Variants in FAM219A observed in about 807,000 individuals in gnomAD.
FAM219A encodes family with sequence similarity 219 member A, also known as protein FAM219A.
In FAM219A, 7 loss-of-function variants were observed where a neutral mutation model predicts 23.4. The ratio of observed to expected loss-of-function variants is 0.30; its 90% CI spans 0.17 to 0.56. The LOEUF is 0.56. Among genes scored for constraint, FAM219A ranks in the 20% least tolerant of loss-of-function variants. The pLI is 0.92. For missense variants in FAM219A, 166 were observed against 246.9 expected, an observed-to-expected ratio of 0.67 and a Z score of 2.20; for synonymous variants, 93 against 99.0, an observed-to-expected ratio of 0.94 and a Z score of 0.36.
In FAM219A at chr9:34,426,685, CCAG is replaced by C. The variant is rs374475874; in HGVS notation, c.61-20724_61-20722del. The stretch of plus-strand genomic sequence containing the variant: ...GAGGGATGGTGGTGGTGTGGAATTC[CCAG>C]CAGAACCATCTAAATAGGGAAATGG... On this transcript the variant is annotated intron_variant, in intron 1 of 5. Coordinates refer to ENST00000651358, the MANE Select transcript of FAM219A (RefSeq NM_001184940.2). 1.6e-4 allele frequency among the ~76,000 whole-genome samples: 24 copies of C among 152,336 alleles called. No individual in the cohort carries two copies. The East Asian group carries it at 4.6e-3, about 29-fold the overall frequency.
chr9:34,439,903 TTGA>T (rs976841724), intron 1 of FAM219A, among the ~76,000 whole-genome samples: 51 of 152,212 alleles, frequency 3.4e-4, no homozygotes, highest in Admixed American at 5.9e-4. Context: ...CTCCTGCTAC[TTGA>T]TGACACTTTC....
At chr9:34,401,538 G>T in intron 5 of FAM219A, 128 bp downstream of exon 5, 1 of 1,078,518 alleles carries the variant, frequency 9.3e-7, no homozygotes. Context: ...GGCCCACCCT[G>T]TGCAGGGCAC....
In FAM219A at chr9:34,402,454, T is replaced by C; in HGVS notation, c.277A>G (p.Asn93Asp). 6.2e-7 allele frequency: 1 copy of C among 1,614,130 alleles called. No homozygotes were observed. Among genetic ancestry groups the C allele is most frequent in the Non-Finnish European group, 8.5e-7 (1 of 1,180,008 alleles). Residue 93 changes from asparagine to aspartate, a missense_variant, in exon 4 of 6, where the codon AAT becomes GAT. Transcript: ENST00000651358. ...TGGTCAAGTGAGGAGTAGCCTTTATTGGGGACGACCAGCCTAGGTGAAGAA... is the reference window on the plus strand; with the variant it reads ...TGGTCAAGTGAGGAGTAGCCTTTATCGGGGACGACCAGCCTAGGTGAAGAA... ...VMARTRLVVP[N>D]KGYSSLDQSP...
At chr9:34,451,593 T>A (rs1027479527) in intron 1 of FAM219A, among the ~76,000 whole-genome samples, 7 of 152,174 alleles carry the variant, frequency 4.6e-5, no homozygotes, top group African/African-American at 1.7e-4. Context: ...TCCCTGAGAC[T>A]AATCAGGTTT....
intron 1 of FAM219A, among the ~76,000 whole-genome samples, chr9:34,437,865 C>T (rs1046880353): frequency 6.6e-6 from 1 of 152,244 alleles, no homozygotes; most frequent in African/African-American, 2.4e-5. Flanking sequence ...ACCGTGGGAG[C>T]CCCTTTCTGG....
chr9:34,433,921 G>A (rs1588059351), intron 1 of FAM219A, among the ~76,000 whole-genome samples: 1 of 151,768 alleles, frequency 6.6e-6, no homozygotes, highest in East Asian at 1.9e-4. Flanking sequence ...AAGTGGCCTC[G>A]GCCGGGCGCG....
At chr9:34,431,886 A>T (rs1822721727) in intron 1 of FAM219A, among the ~76,000 whole-genome samples, 1 of 152,242 alleles carries the variant, frequency 6.6e-6, no homozygotes, top group South Asian at 2.1e-4. Context: ...GTGCATGTGC[A>T]TATGTGCACG....
In FAM219A at chr9:34,401,152, C is replaced by T. The variant is rs377011281; in HGVS notation, c.400-30G>A. 4.2e-5 allele frequency: 68 copies of T among 1,608,122 alleles called. No homozygotes were observed. The African/African-American group carries it at 8.0e-4, about 19-fold the overall frequency. On this transcript the variant is annotated intron_variant, in intron 5 of 5. Coordinates refer to ENST00000651358, the MANE Select transcript of FAM219A (RefSeq NM_001184940.2). ...AGGCAAAGGGGAGGGAGGTCAGGCC[C>T]GAGCGGCAGGGAGGCACCACCCACA... is the stretch of plus-strand genomic sequence containing the variant.
chr9:34,415,169 G>GC (rs1388972982), intron 1 of FAM219A, among the ~76,000 whole-genome samples: 12 of 151,844 alleles, frequency 7.9e-5, no homozygotes, highest in Admixed American at 5.9e-4. Flanking sequence ...GCCCCAGTTG[G>GC]GAAAACACTC....
rs574654690 is a variant in FAM219A at position 34,405,473 on chromosome 9, A to G, written c.160+392T>C. The stretch of plus-strand genomic sequence containing the variant: ...TAATCGGGAGAGGGGCTCGGCTTCT[A>G]GGGTTGGAACTCTCTTTCCTTTCTA... On this transcript the variant is annotated intron_variant, in intron 2 of 5. Transcript: ENST00000651358. 3.9e-5 allele frequency among the ~76,000 whole-genome samples: 6 copies of G among 152,270 alleles called. No homozygotes were observed. In the East Asian group the frequency reaches 1.2e-3, roughly 29 times the overall value.
chr9:34,429,247 T>TG (rs541691144), intron 1 of FAM219A, among the ~76,000 whole-genome samples: 1 of 152,238 alleles, frequency 6.6e-6, no homozygotes, highest in Non-Finnish European at 1.5e-5. Context: ...TGCATGCCTT[T>TG]GGGCTTGACA....
Position 34,411,656 on chromosome 9 carries a change from G to A in FAM219A, c.61-5692C>T, listed in dbSNP as rs544879734. On this transcript the variant is annotated intron_variant, in intron 1 of 5. Transcript: ENST00000651358. ...TGCACCCCTGCACTCCAGCCTGGGC[G>A]ACAGAGCGAGACTCCGTCTCAAAAA... Among the ~76,000 whole-genome samples the A allele has an allele frequency of 3.1e-3, 436 of 142,242 alleles. 2 individuals carry two copies. The highest frequency in any genetic ancestry group is 0.011 in the African/African-American group (418 of 37,890). The allele number at this position is 142,242 out of a possible 152,430, so 93.3% of individuals were successfully genotyped here.
At chr9:34,434,953 GGGAC>G (rs1822848223) in intron 1 of FAM219A, among the ~76,000 whole-genome samples, 1 of 152,146 alleles carries the variant, frequency 6.6e-6, no homozygotes, top group East Asian at 1.9e-4. Flanking sequence ...CCAAGTAGCT[GGGAC>G]TACAGGCATG....
intron 1 of FAM219A, among the ~76,000 whole-genome samples, chr9:34,454,453 T>G (rs1823664259): frequency 6.6e-6 from 1 of 151,516 alleles, no homozygotes; most frequent in African/African-American, 2.4e-5. Context: ...AGAGAAAAAA[T>G]AAAGGAGACA....
chr9:34,455,087 G>C (rs1328169629), intron 1 of FAM219A, among the ~76,000 whole-genome samples: 1 of 152,160 alleles, frequency 6.6e-6, no homozygotes, highest in Non-Finnish European at 1.5e-5. Flanking sequence ...CAAGGGCAGG[G>C]TCACATCTGT....
intron 1 of FAM219A, among the ~76,000 whole-genome samples, chr9:34,451,841 C>A (rs1323487886): frequency 6.6e-6 from 1 of 152,170 alleles, no homozygotes; most frequent in Non-Finnish European, 1.5e-5. Context: ...CTGCTTCCAC[C>A]CAACTGCAGC....
chr9:34,412,720 T>C (rs921948863), intron 1 of FAM219A, among the ~76,000 whole-genome samples: 3 of 151,718 alleles, frequency 2.0e-5, no homozygotes, highest in Admixed American at 2.0e-4. Context: ...ACCATTCAAG[T>C]AGAGTTTCAA....
At chr9:34,454,923 A>G (rs1417958270) in intron 1 of FAM219A, among the ~76,000 whole-genome samples, 1 of 152,194 alleles carries the variant, frequency 6.6e-6, no homozygotes, top group African/African-American at 2.4e-5. Flanking sequence ...ACAAGCCTCT[A>G]TCCATACAGC....
Position 34,417,310 on chromosome 9 carries a change from G to A in FAM219A, c.61-11346C>T, listed in dbSNP as rs972104069. Reference sequence around the variant, plus strand: ...GATCCTCCTGCCTCGGCCTCCCAAAGTGCTGGGATTACAGGTGTGAGCCAC... The same window carrying A: ...GATCCTCCTGCCTCGGCCTCCCAAAATGCTGGGATTACAGGTGTGAGCCAC... On this transcript the variant is annotated intron_variant, in intron 1 of 5. Transcript: ENST00000651358. The surrounding 1 kb of genome is among the most constrained non-coding windows in gnomAD (Gnocchi z 4.1). Among the ~76,000 whole-genome samples the A allele has an allele frequency of 1.3e-5, 2 of 152,186 alleles. No homozygotes were observed. The highest frequency in any genetic ancestry group is 2.9e-5 in the Non-Finnish European group (2 of 68,034).
Sources: gnomAD v4.1 joint callset for allele counts (sites outside exome capture counted in the v4.1 genomes callset) on GRCh38, gnomAD v4.1.1 for gene constraint, Gnocchi (gnomAD v3.1) non-coding constraint, MANE v1.5 for transcripts, NCBI Gene and HGNC (gene_info 2026-07-23, HGNC 2026-07-21) for gene names.